The following MYRIP variants were observed in gnomAD, a reference collection of about 807,000 sequenced individuals.
MYRIP encodes myosin VIIA and Rab interacting protein, also known as rab effector MyRIP.
Under a neutral mutation model 98.0 loss-of-function variants are expected in MYRIP, and 49 were observed. That is an observed-to-expected ratio of 0.50 (90% CI 0.40 to 0.63). The LOEUF is 0.63. Ranked by LOEUF, MYRIP falls within the 30% of genes least tolerant of loss-of-function variation. The probability of loss-of-function intolerance (pLI) is 0.00; values close to 1 mark genes in which losing one functional copy is unlikely to be tolerated. For missense variants in MYRIP, 1,004 were observed against 1,058.2 expected, an observed-to-expected ratio of 0.95 and a Z score of 0.71; for synonymous variants, 404 against 409.5, an observed-to-expected ratio of 0.99 and a Z score of 0.16.
At chr3:39,976,433 T>C (rs1379509709) in intron 2 of MYRIP, among the ~76,000 whole-genome samples, 2 of 152,194 alleles carry the variant, frequency 1.3e-5, no homozygotes, top group South Asian at 2.1e-4. Flanking sequence ...AGGAACACTT[T>C]TACACTGTTG....
At chr3:39,892,491 G>A (rs1164670841) in intron 1 of MYRIP, among the ~76,000 whole-genome samples, 1 of 152,136 alleles carries the variant, frequency 6.6e-6, no homozygotes, top group East Asian at 1.9e-4. Flanking sequence ...TTACATAAGT[G>A]CATTGCTAGA....
At chr3:39,812,441 A>T (rs1341993330) in intron 1 of MYRIP, among the ~76,000 whole-genome samples, 2 of 152,216 alleles carry the variant, frequency 1.3e-5, no homozygotes, top group Admixed American at 1.3e-4. Flanking sequence ...TGGTTGTCCC[A>T]CCACACCTTG....
At chr3:40,147,343 G>GC (rs1559420584) in intron 3 of MYRIP, among the ~76,000 whole-genome samples, 8 of 152,092 alleles carry the variant, frequency 5.3e-5, no homozygotes, top group African/African-American at 1.7e-4. Context: ...TAGCATCTCT[G>GC]AACTACCCTC....
intron 2 of MYRIP, among the ~76,000 whole-genome samples, chr3:39,936,196 A>G (rs994863227): frequency 1.3e-5 from 2 of 152,226 alleles, no homozygotes; most frequent in Non-Finnish European, 2.9e-5. Flanking sequence ...TAATGAGTGA[A>G]GAGTATACAG....
intron 7 of MYRIP, 46 bp downstream of exon 7, chr3:40,167,285 C>T: frequency 6.4e-7 from 1 of 1,565,344 alleles, no homozygotes; most frequent in Non-Finnish European, 8.8e-7. Flanking sequence ...CCTGGCTGGG[C>T]CTGGTGCAGG....
intron 3 of MYRIP, among the ~76,000 whole-genome samples, chr3:40,112,753 A>G (rs1949186196): frequency 6.6e-6 from 1 of 151,630 alleles, no homozygotes; most frequent in African/African-American, 2.4e-5. Context: ...AATGTGGGCC[A>G]GACCAACTGT....
chr3:39,851,134 C>G (rs1301400417), intron 1 of MYRIP, among the ~76,000 whole-genome samples: 1 of 152,158 alleles, frequency 6.6e-6, no homozygotes. Flanking sequence ...TAAGACCAGT[C>G]ATTGCAGATA....
intron 12 of MYRIP, among the ~76,000 whole-genome samples, chr3:40,238,305 G>A (rs934701026): frequency 5.3e-5 from 8 of 152,230 alleles, no homozygotes; most frequent in African/African-American, 1.9e-4. Context: ...CCATGGGCGC[G>A]TTGCCTTGCT....
At chr3:40,171,896 T>C (rs1950625021) in intron 8 of MYRIP, among the ~76,000 whole-genome samples, 1 of 152,206 alleles carries the variant, frequency 6.6e-6, no homozygotes, top group Non-Finnish European at 1.5e-5. Context: ...TCCACATGGC[T>C]GGGGAGGCCA....
At chr3:40,130,418 C>G (rs1949612502) in intron 3 of MYRIP, among the ~76,000 whole-genome samples, 1 of 147,300 alleles carries the variant, frequency 6.8e-6, no homozygotes, top group South Asian at 2.2e-4. Flanking sequence ...CGCTCTGTGG[C>G]CCAGGCGGGA....
chr3:40,135,401 A>G (rs1017980758), intron 3 of MYRIP, among the ~76,000 whole-genome samples: 10 of 152,254 alleles, frequency 6.6e-5, no homozygotes, highest in Non-Finnish European at 4.4e-5. Context: ...CCAAATCTAC[A>G]TCTGATTGGT....
chr3:40,034,699 T>G (rs1449947101), intron 2 of MYRIP, among the ~76,000 whole-genome samples: 3 of 151,044 alleles, frequency 2.0e-5, no homozygotes, highest in Non-Finnish European at 4.4e-5. Flanking sequence ...GAAATACCAT[T>G]TGACCCAGCC....
intron 2 of MYRIP, among the ~76,000 whole-genome samples, chr3:40,007,019 C>T (rs1946649865): frequency 6.6e-6 from 1 of 152,172 alleles, no homozygotes; most frequent in South Asian, 2.1e-4. Flanking sequence ...CTACCATGCC[C>T]AGCTAAGTGA....
chr3:39,933,734 G>A (rs892495856), intron 2 of MYRIP, among the ~76,000 whole-genome samples: 1 of 152,288 alleles, frequency 6.6e-6, no homozygotes, highest in East Asian at 1.9e-4. Flanking sequence ...TAGGGAAAGG[G>A]ATAAGATATA....
intron 3 of MYRIP, among the ~76,000 whole-genome samples, chr3:40,064,096 G>A (rs1412758772): frequency 2.0e-5 from 3 of 152,148 alleles, no homozygotes; most frequent in Non-Finnish European, 4.4e-5. Context: ...CTGAATCTAG[G>A]CTGCAAGCAG....
At chr3:40,153,487 G>A (rs538741758) in intron 4 of MYRIP, among the ~76,000 whole-genome samples, 14 of 152,066 alleles carry the variant, frequency 9.2e-5, no homozygotes, top group African/African-American at 3.4e-4. Flanking sequence ...CATTAGAATC[G>A]CCAAGGGCGC....
At chr3:39,978,968 G>C (rs558302413) in intron 2 of MYRIP, among the ~76,000 whole-genome samples, 2 of 152,016 alleles carry the variant, frequency 1.3e-5, no homozygotes, top group Admixed American at 1.3e-4. Flanking sequence ...ATGATATAAC[G>C]TAAGAGGAAA....
At chr3:40,205,669 T>C (rs1263428810) in intron 10 of MYRIP, among the ~76,000 whole-genome samples, 1 of 152,068 alleles carries the variant, frequency 6.6e-6, no homozygotes, top group African/African-American at 2.4e-5. Flanking sequence ...CTGCAAAAGC[T>C]CCTCAGGATT....
intron 3 of MYRIP, among the ~76,000 whole-genome samples, chr3:40,087,354 C>T (rs1193600596): frequency 6.6e-6 from 1 of 152,166 alleles, no homozygotes; most frequent in Admixed American, 6.5e-5. Flanking sequence ...GGAGTAAGCA[C>T]TGATACATGT....
Sources: gnomAD v4.1 joint callset for allele counts (sites outside exome capture counted in the v4.1 genomes callset) on GRCh38, gnomAD v4.1.1 for gene constraint, MANE v1.5 for transcripts, NCBI Gene and HGNC (gene_info 2026-07-23, HGNC 2026-07-21) for gene names.